ST18: variants seen among roughly 807,000 people sequenced by gnomAD.
ST18 encodes the protein ST18 C2H2C-type zinc finger transcription factor, also known as suppression of tumorigenicity 18 protein.
ST18 carries 50 observed loss-of-function variants against 110.0 expected under a neutral mutation model. That is an observed-to-expected ratio of 0.45 (90% CI 0.36 to 0.58). The LOEUF (loss-of-function observed/expected upper bound fraction) is 0.58. ST18 is among the 20% of genes least tolerant of loss of function. ST18 has a pLI of 0.00. For missense variants in ST18, 1,306 were observed against 1,280.1 expected (o/e 1.02, Z -0.31); for synonymous variants, 461 against 452.4 (o/e 1.02, Z -0.24).
chr8:52,250,950 AC>A (rs947067748), intron 2 of ST18, among the ~76,000 whole-genome samples: 1 of 152,098 alleles, frequency 6.6e-6, no homozygotes, highest in African/African-American at 2.4e-5. Flanking sequence ...TTGGTATTAA[AC>A]CCCCATTATT....
intron 2 of ST18, among the ~76,000 whole-genome samples, chr8:52,371,376 A>C (rs938746286): frequency 2.6e-5 from 4 of 152,214 alleles, no homozygotes; most frequent in Non-Finnish European, 1.5e-5. Flanking sequence ...CAAACCAATC[A>C]TTTGATTACT....
intron 2 of ST18, among the ~76,000 whole-genome samples, chr8:52,388,497 A>G (rs1837784948): frequency 6.6e-6 from 1 of 152,128 alleles, no homozygotes; most frequent in African/African-American, 2.4e-5. Context: ...TAAAAGTGCT[A>G]GCGTTTTTAC....
chr8:52,129,810 C>T (rs996823096), intron 22 of ST18, among the ~76,000 whole-genome samples: 3 of 151,972 alleles, frequency 2.0e-5, no homozygotes, highest in African/African-American at 7.3e-5. Flanking sequence ...TTTGGGAGGC[C>T]AAGGTGGGCA....
At chr8:52,392,290 T>C (rs1839585330) in intron 2 of ST18, among the ~76,000 whole-genome samples, 1 of 151,934 alleles carries the variant, frequency 6.6e-6, no homozygotes, top group Non-Finnish European at 1.5e-5. Context: ...ATGGTGACGG[T>C]GGTGGTAAGT....
At chr8:52,118,201 A>G (rs2043240058) in intron 24 of ST18, 137 bp downstream of exon 24, 1 of 583,112 alleles carries the variant, frequency 1.7e-6, no homozygotes, top group South Asian at 2.5e-5. Flanking sequence ...TTTTACAATA[A>G]TTATGGAATC....
intron 2 of ST18, chr8:52,403,701 T>C (rs950423072): frequency 3.3e-5 from 5 of 152,318 alleles, no homozygotes; most frequent in South Asian, 4.1e-4. Context: ...GGTCAAAATG[T>C]AGTTGTTTAT....
chr8:52,290,276 G>A (rs1314764278), intron 2 of ST18, among the ~76,000 whole-genome samples: 1 of 152,060 alleles, frequency 6.6e-6, no homozygotes, highest in Non-Finnish European at 1.5e-5. Flanking sequence ...TTAGCTCCTT[G>A]GTGGGCTGGG....
chr8:52,243,616 G>T (rs1341808511), intron 2 of ST18, among the ~76,000 whole-genome samples: 1 of 152,234 alleles, frequency 6.6e-6, no homozygotes, highest in Non-Finnish European at 1.5e-5. Context: ...GTAAAAATAG[G>T]ATACAAATGG....
At chr8:52,348,772 T>G (rs547529942) in intron 2 of ST18, among the ~76,000 whole-genome samples, 1 of 152,198 alleles carries the variant, frequency 6.6e-6, no homozygotes, top group African/African-American at 2.4e-5. Context: ...ATTTATCATG[T>G]ACAGTATGAA....
At chr8:52,214,835 T>C (rs975332845) in intron 6 of ST18, among the ~76,000 whole-genome samples, 27 of 152,184 alleles carry the variant, frequency 1.8e-4, no homozygotes, top group African/African-American at 6.5e-4. Context: ...CATTCAAATG[T>C]ATAAGGAAAG....
chr8:52,365,583 TA>T (rs59065958), intron 2 of ST18, among the ~76,000 whole-genome samples: 149,072 of 151,002 alleles, frequency 0.99, 73,601 homozygotes, highest in East Asian at 1. Flanking sequence ...GAAACTAGTT[TA>T]AAAAAAAAAA....
At chr8:52,127,743 T>G (rs1419258877) in intron 22 of ST18, among the ~76,000 whole-genome samples, 1 of 151,564 alleles carries the variant, frequency 6.6e-6, no homozygotes. Flanking sequence ...GCTTCCAAAA[T>G]GCCACTTGAT....
chr8:52,164,995 T>C lies in ST18; in HGVS notation c.1295+140A>G, dbSNP rs1397578193. The C allele has an allele frequency of 4.0e-6, 3 of 743,384 alleles. No individual in the cohort carries two copies. In the African/African-American group the frequency reaches 5.2e-5, roughly 13 times the overall value. 46.0% of individuals were successfully genotyped at this position (743,384 alleles called of 1,614,324 possible). Reference sequence around the variant, plus strand: ...TTTGACAATGCACATGCTGAGAATATTTCTTCTCTATTTCAAGTGTCACAT... The same window carrying C: ...TTTGACAATGCACATGCTGAGAATACTTCTTCTCTATTTCAAGTGTCACAT... On this transcript the variant is annotated intron_variant, in intron 12 of 25. Coordinates refer to ENST00000689386, the MANE Select transcript of ST18 (RefSeq NM_001352837.2).
At chr8:52,171,747 C>T (rs2065044183) in intron 10 of ST18, 45 bp downstream of exon 10, 2 of 1,589,736 alleles carry the variant, frequency 1.3e-6, no homozygotes, top group Non-Finnish European at 1.7e-6. Context: ...TTTTCAAACC[C>T]TAATGCACTT....
intron 6 of ST18, among the ~76,000 whole-genome samples, chr8:52,216,690 A>G (rs956905735): frequency 6.6e-6 from 1 of 152,224 alleles, no homozygotes; most frequent in Non-Finnish European, 1.5e-5. Flanking sequence ...ATAGATCTCA[A>G]TTCAAAAATA....
At chr8:52,116,532 G>A (rs1023514139) in intron 24 of ST18, 114 bp from the exon 25 acceptor site, 1 of 1,040,110 alleles carries the variant, frequency 9.6e-7, no homozygotes, top group Non-Finnish European at 1.4e-6. Flanking sequence ...ATGCAGAGAT[G>A]CATGCGTGTA....
At chr8:52,258,648 TG>T (rs2094593768) in intron 2 of ST18, among the ~76,000 whole-genome samples, 1 of 152,218 alleles carries the variant, frequency 6.6e-6, no homozygotes, top group Non-Finnish European at 1.5e-5. Context: ...AATACAAATC[TG>T]TATGAAAGAT....
intron 2 of ST18, among the ~76,000 whole-genome samples, chr8:52,365,660 T>C (rs1300911039): frequency 6.6e-6 from 1 of 151,950 alleles, no homozygotes; most frequent in South Asian, 2.1e-4. Flanking sequence ...TGCAAATATT[T>C]TATACTTAAT....
intron 8 of ST18, among the ~76,000 whole-genome samples, chr8:52,202,511 G>C (rs530614049): frequency 2.8e-4 from 43 of 152,298 alleles, no homozygotes; most frequent in Admixed American, 8.5e-4. Context: ...TTCTGAATGG[G>C]TGGACAGATG....
Sources: allele counts gnomAD v4.1 joint callset (sites outside exome capture counted in the v4.1 genomes callset), GRCh38; gene constraint gnomAD v4.1.1; transcripts MANE v1.5; gene names NCBI Gene and HGNC (gene_info 2026-07-23, HGNC 2026-07-21).